RNF141: variants seen among roughly 807,000 people sequenced by gnomAD.
RNF141 encodes the protein ring finger protein 141.
RNF141 carries 18 observed loss-of-function variants against 27.4 expected under a neutral mutation model. The ratio of observed to expected loss-of-function variants is 0.66; its 90% CI spans 0.45 to 0.97. The LOEUF (loss-of-function observed/expected upper bound fraction) is 0.97. RNF141 is among the 50% of genes least tolerant of loss of function. The pLI is 0.00. For missense variants in RNF141, 230 were observed against 279.4 expected (o/e 0.82, Z 1.26); for synonymous variants, 97 against 96.6 (o/e 1.00, Z -0.02).
In RNF141 at chr11:10,519,018, G is replaced by A; in HGVS notation, c.542+16C>T. On this transcript the variant is annotated intron_variant, in intron 5 of 5. Transcript: ENST00000265981. ...ACTGACCTTGGCCCAGCCCATGAAT[G>A]CAGTAGGTAACTTACCATTTATCAA... 2.5e-6 allele frequency: 4 copies of A among 1,600,894 alleles called. No homozygotes were observed. Among genetic ancestry groups the A allele is most frequent in the Non-Finnish European group, 3.4e-6 (4 of 1,168,250 alleles).
intron 2 of RNF141, among the ~76,000 whole-genome samples, chr11:10,531,394 G>A (rs1341137437): frequency 7.1e-6 from 1 of 140,480 alleles, no homozygotes; most frequent in Non-Finnish European, 1.5e-5. Flanking sequence ...AAAAAGGTTA[G>A]CTAGTGTCAT....
rs1251631893 is a variant in RNF141 at position 10,512,036 on chromosome 11, T to C, written c.*2880A>G. On this transcript the variant is annotated 3_prime_UTR_variant, in exon 6 of 6. Coordinates refer to ENST00000265981, the MANE Select transcript of RNF141 (RefSeq NM_016422.4). ...TAAATTCAGTACATAGTAAAATTCA[T>C]TTTCTCAAACTAAGGTTCTATACAT... The C allele has an allele frequency of 6.6e-6, 1 of 152,638 alleles. No homozygotes were observed. The highest frequency in any genetic ancestry group is 1.5e-5 in the Non-Finnish European group (1 of 68,032). 9.5% of individuals were successfully genotyped at this position (152,638 alleles called of 1,614,324 possible). A position where few individuals can be genotyped will look rare whatever the true frequency, so the allele number is the denominator to read the frequency against.
chr11:10,525,067 A>G lies in RNF141; in HGVS notation c.434+125T>C, dbSNP rs1280902593. On this transcript the variant is annotated intron_variant, in intron 4 of 5. Transcript: ENST00000265981. ...AATAACCCCAAAACTGATCTCAGATACAATACCAACTGAGAAAAAAAAAAG... is the reference window on the plus strand; with the variant it reads ...AATAACCCCAAAACTGATCTCAGATGCAATACCAACTGAGAAAAAAAAAAG... 5 of 615,094 alleles carry G rather than the reference A, an allele frequency of 8.1e-6. No homozygotes were observed. In the East Asian group the frequency reaches 1.6e-4, roughly 19 times the overall value. The allele number at this position is 615,094 out of a possible 1,614,324, so 38.1% of individuals were successfully genotyped here. A position where few individuals can be genotyped will look rare whatever the true frequency, so the allele number is the denominator to read the frequency against.
chr11:10,534,227 T>A lies in RNF141; in HGVS notation c.-47-22A>T, dbSNP rs1850014819. ...GTTTCTGTCAAATATACAGAAAAGT[T>A]ACTTTTACATATTATACAAAAACGG... is the stretch of plus-strand genomic sequence containing the variant. On this transcript the variant is annotated intron_variant, in intron 1 of 5. Coordinates refer to ENST00000265981, the MANE Select transcript of RNF141 (RefSeq NM_016422.4). The A allele has an allele frequency of 1.1e-5, 16 of 1,519,524 alleles. No homozygotes were observed. The South Asian group carries it at 1.8e-4, about 18-fold the overall frequency. The allele number at this position is 1,519,524 out of a possible 1,614,324, so 94.1% of individuals were successfully genotyped here.
At chr11:10,524,120 AAAAG>A (rs1849911188) in intron 4 of RNF141, among the ~76,000 whole-genome samples, 3 of 152,226 alleles carry the variant, frequency 2.0e-5, no homozygotes, top group Admixed American at 2.0e-4. Flanking sequence ...GCAGTAAAAA[AAAAG>A]AAACCACTGG....
At chr11:10,533,868 A>G in intron 2 of RNF141, 148 bp downstream of exon 2, 1 of 664,970 alleles carries the variant, frequency 1.5e-6, no homozygotes, top group Non-Finnish European at 2.4e-6. Context: ...GTCAACTTAT[A>G]ATAGATACTC....
rs534435971 is a variant in RNF141, at chr11:10,513,231, G to A, written c.*1685C>T. The A allele has an allele frequency of 6.6e-6, 1 of 152,264 alleles. No individual in the cohort carries two copies. The highest frequency in any genetic ancestry group is 1.9e-4 in the East Asian group (1 of 5,186). 9.4% of individuals were successfully genotyped at this position (152,264 alleles called of 1,614,324 possible). ...CAATGGATTAGTCTTCAGTATTTTTGGGGGCGAAATCAAGCTACCCCTGGC... is the reference window on the plus strand; with the variant it reads ...CAATGGATTAGTCTTCAGTATTTTTAGGGGCGAAATCAAGCTACCCCTGGC... On this transcript the variant is annotated 3_prime_UTR_variant, in exon 6 of 6. Transcript: ENST00000265981.
rs563546546 is a variant in RNF141, at chr11:10,535,693, A to G, written c.-47-1488T>C. On this transcript the variant is annotated intron_variant, in intron 1 of 5. Coordinates refer to ENST00000265981, the MANE Select transcript of RNF141 (RefSeq NM_016422.4). ...AAGGACAGTTTCCAAAAATAAACAA[A>G]AATTCCCCAAAACTTAACAAAAATC... Among the ~76,000 whole-genome samples, 13 of 152,258 alleles carry G rather than the reference A, an allele frequency of 8.5e-5. No individual in the cohort carries two copies. The South Asian group carries it at 2.7e-3, about 32-fold the overall frequency.
chr11:10,520,824 T>A (rs1050501346), intron 4 of RNF141, among the ~76,000 whole-genome samples: 1 of 152,202 alleles, frequency 6.6e-6, no homozygotes, highest in African/African-American at 2.4e-5. Flanking sequence ...TTTAGCTCCA[T>A]TATAATCTTG....
chr11:10,535,463 CAA>C (rs34271797), intron 1 of RNF141, among the ~76,000 whole-genome samples: 72,675 of 123,694 alleles, frequency 0.59, 19,022 homozygotes, highest in South Asian at 0.65. Context: ...AGATCCAGGC[CAA>C]AAAAAAAAAA....
In RNF141 at chr11:10,527,678, T is replaced by A. The variant is rs1201693427; in HGVS notation, c.253-2305A>T. Among the ~76,000 whole-genome samples the A allele has an allele frequency of 2.0e-5, 3 of 152,138 alleles. No individual in the cohort carries two copies. In the East Asian group the frequency reaches 5.8e-4, roughly 29 times the overall value. ...GGTTTTGAGCCAAGGAGTAATATGA[T>A]CTAATTTACATTTCAAATTGTGATG... On this transcript the variant is annotated intron_variant, in intron 3 of 5. Coordinates refer to ENST00000265981, the MANE Select transcript of RNF141 (RefSeq NM_016422.4).
intron 1 of RNF141, among the ~76,000 whole-genome samples, chr11:10,538,200 C>G (rs1209759483): frequency 2.0e-5 from 3 of 152,124 alleles, no homozygotes; most frequent in Non-Finnish European, 4.4e-5. Context: ...TGTAACTGTA[C>G]TTGGTATCTG....
intron 3 of RNF141, 145 bp downstream of exon 3, chr11:10,530,498 A>T: frequency 2.3e-6 from 1 of 437,610 alleles, no homozygotes. Context: ...AGCTAGTTAG[A>T]AGGCAATAAC....
intron 4 of RNF141, among the ~76,000 whole-genome samples, chr11:10,519,778 T>C (rs1219726189): frequency 1.3e-5 from 2 of 152,154 alleles, no homozygotes; most frequent in Non-Finnish European, 2.9e-5. Flanking sequence ...ATGGTACACC[T>C]GTATAGGGCA....
chr11:10,533,870 T>C (rs1361304752), intron 2 of RNF141, 146 bp downstream of exon 2: 4 of 669,300 alleles, frequency 6.0e-6, no homozygotes, highest in Non-Finnish European at 9.7e-6. Context: ...CAACTTATAA[T>C]AGATACTCAA....
chr11:10,537,438 GA>G (rs572582177), intron 1 of RNF141, among the ~76,000 whole-genome samples: 10 of 152,012 alleles, frequency 6.6e-5, no homozygotes, highest in African/African-American at 2.2e-4. Flanking sequence ...ACTTAACAAA[GA>G]AAAAAACTGA....
intron 1 of RNF141, among the ~76,000 whole-genome samples, chr11:10,534,702 G>C (rs1850018843): frequency 2.6e-5 from 4 of 152,088 alleles, no homozygotes; most frequent in African/African-American, 9.7e-5. Flanking sequence ...TGAGCTAGGT[G>C]ATTTATCTAA....
chr11:10,523,632 A>G (rs1411892475), intron 4 of RNF141, among the ~76,000 whole-genome samples: 1 of 152,232 alleles, frequency 6.6e-6, no homozygotes, highest in Non-Finnish European at 1.5e-5. Context: ...CTGAAAAAAC[A>G]CACAAAAACA....
rs1169178784 is a variant in RNF141 at position 10,512,944 on chromosome 11, A to G, written c.*1972T>C. The G allele has an allele frequency of 2.0e-5, 3 of 152,202 alleles. No homozygotes were observed. The East Asian group carries it at 5.8e-4, about 29-fold the overall frequency. 9.4% of individuals were successfully genotyped at this position (152,202 alleles called of 1,614,324 possible). A position where few individuals can be genotyped will look rare whatever the true frequency, so the allele number is the denominator to read the frequency against. On this transcript the variant is annotated 3_prime_UTR_variant, in exon 6 of 6. Transcript: ENST00000265981. ...ACTTTTATATAGTGGGGTATAGGGT[A>G]TGTGTGTATGCACACGTGTTTAAAG...
Sources: gnomAD v4.1 joint callset for allele counts (sites outside exome capture counted in the v4.1 genomes callset) on GRCh38, gnomAD v4.1.1 for gene constraint, MANE v1.5 for transcripts, NCBI Gene and HGNC (gene_info 2026-07-23, HGNC 2026-07-21) for gene names.